Variants in OR7E24 observed in about 807,000 individuals in gnomAD.
The protein encoded by OR7E24 is olfactory receptor 7E24.
For missense variants in OR7E24, 385 were observed against 410.3 expected (o/e 0.94, Z 0.53); for synonymous variants, 130 against 157.5 (o/e 0.83, Z 1.31).
chr19:9,218,402 C>T, the OR7E24 span, among the ~76,000 whole-genome samples: 2 of 152,036 alleles, frequency 1.3e-5, no homozygotes, highest in African/African-American at 4.8e-5. Context: ...AAATCATAAA[C>T]AAAATCACAA....
At chr19:9,211,877 C>T in the OR7E24 span, 1 of 149,004 alleles carries the variant, frequency 6.7e-6, no homozygotes, top group Non-Finnish European at 1.5e-5. Context: ...AGATATGACT[C>T]CCATTTCATT....
chr19:9,221,689 A>G, the OR7E24 span, among the ~76,000 whole-genome samples: 4 of 151,878 alleles, frequency 2.6e-5, no homozygotes, highest in African/African-American at 7.3e-5. Context: ...TTTTCTTCCT[A>G]CTGAGTTGTT....
chr19:9,246,359 C>T (rs1021551309), upstream of OR7E24, among the ~76,000 whole-genome samples: 2 of 151,958 alleles, frequency 1.3e-5, no homozygotes, highest in Non-Finnish European at 2.9e-5. Flanking sequence ...TGAGCCACCG[C>T]GCCGGGCCTC....
rs983287902 is a variant in OR7E24, at chr19:9,252,381, TA to T, written c.*327del. 2.3e-4 allele frequency: 41 copies of T among 176,232 alleles called. No individual in the cohort carries two copies. Among genetic ancestry groups the T allele is most frequent in the East Asian group, 7.2e-4 (5 of 6,920 alleles). 10.9% of individuals were successfully genotyped at this position (176,232 alleles called of 1,614,324 possible). On this transcript the variant is annotated 3_prime_UTR_variant, in exon 1 of 1. Coordinates refer to ENST00000456448, the MANE Select transcript of OR7E24 (RefSeq NM_001079935.2). ...AAGAGGTTTTTGGAAACTGCAACTTTAAAAAAAAAGCGCAGCAGGTCCTGAA... is the reference window on the plus strand; with the variant it reads ...AAGAGGTTTTTGGAAACTGCAACTTTAAAAAAAAGCGCAGCAGGTCCTGAA...
chr19:9,240,073 G>A, the OR7E24 span, among the ~76,000 whole-genome samples: 19 of 151,840 alleles, frequency 1.3e-4, no homozygotes, highest in African/African-American at 1.2e-4. Context: ...GTCTCCCTAG[G>A]TGGCCCAGTC....
the OR7E24 span, among the ~76,000 whole-genome samples, chr19:9,239,294 C>T: frequency 4.6e-5 from 7 of 151,926 alleles, no homozygotes; most frequent in Non-Finnish European, 7.4e-5. Flanking sequence ...CTCAGCCTCC[C>T]GAGTAGCTGG....
At chr19:9,223,699 T>A in the OR7E24 span, among the ~76,000 whole-genome samples, 15 of 151,734 alleles carry the variant, frequency 9.9e-5, 1 homozygote, top group African/African-American at 3.6e-4. Flanking sequence ...ACCAAGCCAA[T>A]CTGTCTATAA....
chr19:9,249,870 G>A (rs143430506), upstream of OR7E24, among the ~76,000 whole-genome samples: 15 of 152,052 alleles, frequency 9.9e-5, no homozygotes, highest in Non-Finnish European at 1.8e-4. Flanking sequence ...CATAAGAATC[G>A]CTTGAACCCA....
In OR7E24 at chr19:9,252,159, C is replaced by T. The variant is rs2066152035; in HGVS notation, c.*96C>T. On this transcript the variant is annotated 3_prime_UTR_variant, in exon 1 of 1. Coordinates refer to ENST00000456448, the MANE Select transcript of OR7E24 (RefSeq NM_001079935.2). Reference sequence around the variant, plus strand: ...ATGGCTTTCATTCCTCTCTGGGTTTCGTATGTGAATATTGCTTGCTTTGTT... The same window carrying T: ...ATGGCTTTCATTCCTCTCTGGGTTTTGTATGTGAATATTGCTTGCTTTGTT... 9.1e-6 allele frequency: 9 copies of T among 985,870 alleles called. No individual in the cohort carries two copies. Among genetic ancestry groups the T allele is most frequent in the East Asian group, 5.0e-5 (2 of 40,124 alleles). 61.1% of individuals were successfully genotyped at this position (985,870 alleles called of 1,614,324 possible). A position where few individuals can be genotyped will look rare whatever the true frequency, so the allele number is the denominator to read the frequency against.
chr19:9,235,613 T>C, the OR7E24 span: 2 of 1,571,190 alleles, frequency 1.3e-6, no homozygotes, highest in Non-Finnish European at 1.8e-6. Context: ...TGGTTCTCCC[T>C]GGTTCATATT....
At chr19:9,240,408 C>G in the OR7E24 span, among the ~76,000 whole-genome samples, 1 of 152,140 alleles carries the variant, frequency 6.6e-6, no homozygotes, top group South Asian at 2.1e-4. Flanking sequence ...TTACTGAGAC[C>G]TGAGATGAGG....
At chr19:9,244,264 T>G (rs142726387), upstream of OR7E24, among the ~76,000 whole-genome samples, 26 of 152,300 alleles carry the variant, frequency 1.7e-4, no homozygotes, top group East Asian at 2.1e-3. Flanking sequence ...AAAAGAAAAG[T>G]TGAAGGTCTC....
upstream of OR7E24, among the ~76,000 whole-genome samples, chr19:9,245,894 C>G (rs184969712): frequency 4.4e-4 from 67 of 152,116 alleles, no homozygotes; most frequent in African/African-American, 1.3e-3. Context: ...TCCCAGACTG[C>G]GCCAAAGCTT....
At chr19:9,213,200 A>G in the OR7E24 span, 1 of 152,254 alleles carries the variant, frequency 6.6e-6, no homozygotes, top group African/African-American at 2.4e-5. Flanking sequence ...TAAGGTGAGG[A>G]ACATCAACAT....
In OR7E24 at chr19:9,252,582, T is replaced by G. The variant is rs967608700; in HGVS notation, c.*519T>G. ...CCCTTTCTACAGTTCCTGTGTAATT[T>G]CTGTCCAAATCGCATCTAGGAAATC... is the stretch of plus-strand genomic sequence containing the variant. On this transcript the variant is annotated 3_prime_UTR_variant, in exon 1 of 1. Transcript: ENST00000456448. 1 of 153,856 alleles carries G rather than the reference T, an allele frequency of 6.5e-6. No individual in the cohort carries two copies. The highest frequency in any genetic ancestry group is 1.4e-5 in the Non-Finnish European group (1 of 69,274). 9.5% of individuals were successfully genotyped at this position (153,856 alleles called of 1,614,324 possible). A position where few individuals can be genotyped will look rare whatever the true frequency, so the allele number is the denominator to read the frequency against.
chr19:9,236,723 G>A, the OR7E24 span, among the ~76,000 whole-genome samples: 1 of 151,876 alleles, frequency 6.6e-6, no homozygotes, highest in Non-Finnish European at 1.5e-5. Flanking sequence ...CCATTCCTGA[G>A]ATTTCTAACT....
At chr19:9,243,656 G>T (rs548937352), upstream of OR7E24, among the ~76,000 whole-genome samples, 183 of 152,272 alleles carry the variant, frequency 1.2e-3, no homozygotes, top group Admixed American at 2.0e-3. Flanking sequence ...TAGAGGCAGG[G>T]TTCCATTGCC....
At chr19:9,226,758 A>T in the OR7E24 span, among the ~76,000 whole-genome samples, 1 of 152,222 alleles carries the variant, frequency 6.6e-6, no homozygotes, top group Non-Finnish European at 1.5e-5. Flanking sequence ...AGGAACCTCT[A>T]CTTACTTTTA....
At chr19:9,240,245 T>C in the OR7E24 span, among the ~76,000 whole-genome samples, 584 of 152,322 alleles carry the variant, frequency 3.8e-3, 3 homozygotes, top group African/African-American at 0.013. Context: ...TTTCTTTTGC[T>C]GTGTGGGAAC....
Sources: allele counts gnomAD v4.1 joint callset (sites outside exome capture counted in the v4.1 genomes callset), GRCh38; gene constraint gnomAD v4.1.1; transcripts MANE v1.5; gene names NCBI Gene and HGNC (gene_info 2026-07-23, HGNC 2026-07-21).